The following GRM7 variants were observed in gnomAD, a reference collection of about 807,000 sequenced individuals.
GRM7 encodes metabotropic glutamate receptor 7.
Under a neutral mutation model 84.5 loss-of-function variants are expected in GRM7, and 35 were observed. That is an observed-to-expected ratio of 0.41 (90% CI 0.32 to 0.55). GRM7 has a LOEUF of 0.55. GRM7 is among the 20% of genes least tolerant of loss of function. The pLI is 0.19. For synonymous variants in GRM7, 487 were observed against 455.1 expected (o/e 1.07, Z -0.89); for missense variants, 1,003 against 1,194.6 (o/e 0.84, Z 2.36).
At chr3:7,342,874 G>C (rs1447290145) in intron 4 of GRM7, among the ~76,000 whole-genome samples, 3 of 152,126 alleles carry the variant, frequency 2.0e-5, no homozygotes, top group Non-Finnish European at 4.4e-5. Flanking sequence ...CTTTGGACAA[G>C]TTATTGAACT....
intron 9 of GRM7, among the ~76,000 whole-genome samples, chr3:7,698,744 A>T (rs755865024): frequency 3.3e-5 from 5 of 152,140 alleles, no homozygotes; most frequent in African/African-American, 1.2e-4. Flanking sequence ...CATCAAAGAC[A>T]TCGCCAGAAA....
chr3:7,044,089 T>C (rs1696721187), intron 1 of GRM7, among the ~76,000 whole-genome samples: 1 of 152,192 alleles, frequency 6.6e-6, no homozygotes, highest in African/African-American at 2.4e-5. Context: ...ATTTTAGAAA[T>C]TACTTATAAG....
Position 7,009,345 on chromosome 3 carries a change from T to C in GRM7, c.520-137107T>C, listed in dbSNP as rs375329738. Among the ~76,000 whole-genome samples, 4 of 152,196 alleles carry C rather than the reference T, an allele frequency of 2.6e-5. No homozygotes were observed. The East Asian group carries it at 5.8e-4, about 22-fold the overall frequency. On this transcript the variant is annotated intron_variant, in intron 1 of 9. Transcript: ENST00000357716. ...TTAATATAATTAACTCCTCCAACAA[T>C]TATAATACAAGAACTATTCATAAAC...
intron 7 of GRM7, among the ~76,000 whole-genome samples, chr3:7,520,815 A>G (rs912895297): frequency 6.6e-6 from 1 of 152,218 alleles, no homozygotes. Flanking sequence ...TGAGTGGGGC[A>G]TCAGAAATGC....
intron 2 of GRM7, among the ~76,000 whole-genome samples, chr3:7,202,711 A>C (rs1342720222): frequency 6.6e-6 from 1 of 152,174 alleles, no homozygotes; most frequent in Non-Finnish European, 1.5e-5. Context: ...TTTGAACTTT[A>C]TTGAAGATAT....
intron 2 of GRM7, among the ~76,000 whole-genome samples, chr3:7,238,865 T>C (rs1158957703): frequency 6.6e-6 from 1 of 150,716 alleles, no homozygotes; most frequent in African/African-American, 2.4e-5. Context: ...ACTTGTTTTC[T>C]CTTCTCTTCC....
intron 1 of GRM7, among the ~76,000 whole-genome samples, chr3:7,052,649 T>C (rs2124957127): frequency 6.6e-6 from 1 of 151,536 alleles, no homozygotes; most frequent in Admixed American, 6.6e-5. Flanking sequence ...GAGTATGTAA[T>C]ATTTGTGTCT....
At chr3:6,936,980 A>G (rs1317822378) in intron 1 of GRM7, among the ~76,000 whole-genome samples, 1 of 152,228 alleles carries the variant, frequency 6.6e-6, no homozygotes, top group East Asian at 1.9e-4. Context: ...ATGGCAAATG[A>G]TGAACACACT....
At chr3:7,319,467 C>G (rs1240678395) in intron 4 of GRM7, among the ~76,000 whole-genome samples, 1 of 152,030 alleles carries the variant, frequency 6.6e-6, no homozygotes, top group African/African-American at 2.4e-5. Context: ...GGTCTGTATT[C>G]ATGCCTTCTT....
At chr3:7,083,240 G>A (rs998006639) in intron 1 of GRM7, among the ~76,000 whole-genome samples, 10 of 152,114 alleles carry the variant, frequency 6.6e-5, no homozygotes, top group East Asian at 1.9e-4. Flanking sequence ...TTAGTCAGCA[G>A]CCAACAACAT....
chr3:7,131,959 T>A (rs944036025), intron 1 of GRM7, among the ~76,000 whole-genome samples: 2 of 152,208 alleles, frequency 1.3e-5, no homozygotes, highest in African/African-American at 2.4e-5. Flanking sequence ...GTGTCTCTCA[T>A]TTCTTCAAAG....
chr3:7,667,542 A>T (rs559031919), intron 8 of GRM7, among the ~76,000 whole-genome samples: 3 of 152,262 alleles, frequency 2.0e-5, no homozygotes, highest in Admixed American at 2.0e-4. Context: ...TCATCCATCA[A>T]TTTTTTAATA....
chr3:7,362,210 C>G (rs1317526682), intron 4 of GRM7, among the ~76,000 whole-genome samples: 3 of 151,948 alleles, frequency 2.0e-5, no homozygotes, highest in African/African-American at 7.2e-5. Context: ...TACATGGGAA[C>G]ATGGATGAGT....
intron 2 of GRM7, among the ~76,000 whole-genome samples, chr3:7,245,568 T>C (rs1471099808): frequency 6.6e-6 from 1 of 152,084 alleles, no homozygotes; most frequent in Non-Finnish European, 1.5e-5. Flanking sequence ...GATCTAGAGT[T>C]GTATATCCAC....
intron 1 of GRM7, among the ~76,000 whole-genome samples, chr3:6,990,225 A>G (rs1284286471): frequency 1.3e-5 from 2 of 150,760 alleles, no homozygotes; most frequent in South Asian, 2.1e-4. Flanking sequence ...AAATCTTGGA[A>G]AGATGTTGGT....
chr3:7,555,371 T>C (rs1693708113), intron 7 of GRM7, among the ~76,000 whole-genome samples: 1 of 152,186 alleles, frequency 6.6e-6, no homozygotes, highest in Admixed American at 6.5e-5. Context: ...GATCCTTTGT[T>C]AACTGGCTCT....
At position 7,306,329 on chromosome 3, in the gene GRM7, G is replaced by A. The variant is rs866528076; in HGVS notation, c.879-169G>A. On this transcript the variant is annotated intron_variant, in intron 3 of 9. Transcript: ENST00000357716. The stretch of plus-strand genomic sequence containing the variant: ...TTCTGAAGATGCTTTTTCATTATTG[G>A]TTTACAAAATATCTTTATATATTAG... 5.9e-5 allele frequency among the ~76,000 whole-genome samples: 9 copies of A among 151,920 alleles called. No individual in the cohort carries two copies. The South Asian group carries it at 1.9e-3, about 32-fold the overall frequency.
intron 8 of GRM7, among the ~76,000 whole-genome samples, chr3:7,672,635 C>T (rs1011979958): frequency 6.3e-5 from 9 of 142,050 alleles, no homozygotes; most frequent in South Asian, 2.2e-4. Flanking sequence ...GACGGAGTCT[C>T]GCTCTGTCAC....
At chr3:7,488,889 T>TTTATTTATTTATTTA (rs1699420376) in intron 7 of GRM7, among the ~76,000 whole-genome samples, 3 of 58,420 alleles carry the variant, frequency 5.1e-5, no homozygotes, top group East Asian at 9.5e-4. Context: ...TTATTTATTT[T>TTTATTTATTTATTTA]TGGAAGAAGA....
Sources: gnomAD v4.1 joint callset for allele counts (sites outside exome capture counted in the v4.1 genomes callset) on GRCh38, gnomAD v4.1.1 for gene constraint, MANE v1.5 for transcripts, NCBI Gene and HGNC (gene_info 2026-07-23, HGNC 2026-07-21) for gene names.